Variants in PCDHA7 observed in about 807,000 individuals in gnomAD.
The protein encoded by PCDHA7 is protocadherin alpha-7.
PCDHA7 carries 37 observed loss-of-function variants against 57.2 expected under a neutral mutation model. That is an observed-to-expected ratio of 0.65 (90% CI 0.50 to 0.85). PCDHA7 has a LOEUF of 0.85. Among genes scored for constraint, PCDHA7 ranks in the 40% least tolerant of loss-of-function variants. PCDHA7 has a pLI of 0.00. For synonymous variants in PCDHA7, 553 were observed against 558.8 expected (o/e 0.99, Z 0.15); for missense variants, 1,188 against 1,241.8 (o/e 0.96, Z 0.65).
chr5:140,883,098 T>C lies in PCDHA7; in HGVS notation c.2355+46360T>C, dbSNP rs369154076. 21 of 1,614,014 alleles carry C rather than the reference T, an allele frequency of 1.3e-5. No homozygotes were observed. In the East Asian group the frequency reaches 4.0e-4, roughly 31 times the overall value. On this transcript the variant is annotated intron_variant, in intron 1 of 3. Coordinates refer to ENST00000525929, the MANE Select transcript of PCDHA7 (RefSeq NM_018910.3). ...CCTGATGATGGTACAAATGGAGATA[T>C]AGTTTACTCATTTAGAAGGCCTGTA... is the stretch of plus-strand genomic sequence containing the variant.
intron 1 of PCDHA7, among the ~76,000 whole-genome samples, chr5:140,923,413 G>T (rs2081347795): frequency 6.6e-6 from 1 of 152,062 alleles, no homozygotes; most frequent in Non-Finnish European, 1.5e-5. Context: ...CTATAATCCT[G>T]GCTACTTGGG....
chr5:140,837,977 C>G (rs1377931639), intron 1 of PCDHA7, among the ~76,000 whole-genome samples: 1 of 151,682 alleles, frequency 6.6e-6, no homozygotes, highest in Non-Finnish European at 1.5e-5. Flanking sequence ...CCACACCCAG[C>G]CTGCCTTTCA....
rs1554135637 is a variant in PCDHA7, at chr5:140,836,136, G to A, written c.1753G>A (p.Val585Met). The A allele has an allele frequency of 1.2e-6, 2 of 1,613,670 alleles. No individual in the cohort carries two copies. The highest frequency in any genetic ancestry group is 1.7e-5 in the Admixed American group (1 of 59,996). ...AGTGAGAGAGCTTGTGCCGCGGTCT[G>A]TGGGCGCGGGCCATGTGGTGGCGAA... Reference protein sequence around the residue: ...GAVRELVPRSVGAGHVVAKVR... With the variant: ...GAVRELVPRSMGAGHVVAKVR... The change falls in exon 1 of 4, where the codon GTG becomes ATG. Residue 585 changes from valine (V) to methionine (M), a missense_variant. Transcript: ENST00000525929.
intron 1 of PCDHA7, chr5:140,882,580 C>T (rs371338305): frequency 1.2e-6 from 2 of 1,614,126 alleles, no homozygotes; most frequent in African/African-American, 2.7e-5. Context: ...AGTGCAGCAT[C>T]CACCTGGAGG....
At chr5:140,864,409 G>C (rs1354025134) in intron 1 of PCDHA7, 3 of 152,230 alleles carry the variant, frequency 2.0e-5, no homozygotes, top group Non-Finnish European at 4.4e-5. Context: ...GAGCAGGGTT[G>C]AGGCAGCTTC....
intron 1 of PCDHA7, chr5:140,849,281 T>A: frequency 8.4e-7 from 1 of 1,191,174 alleles, no homozygotes; most frequent in Non-Finnish European, 1.2e-6. Flanking sequence ...CGCTGGTGAT[T>A]CACCCCAATG....
At chr5:140,907,134 C>A (rs1167927748) in intron 1 of PCDHA7, among the ~76,000 whole-genome samples, 1 of 152,112 alleles carries the variant, frequency 6.6e-6, no homozygotes, top group Non-Finnish European at 1.5e-5. Flanking sequence ...CCTGTGAATT[C>A]CGGCTATGGG....
At chr5:140,892,120 A>G (rs1242162429) in intron 1 of PCDHA7, among the ~76,000 whole-genome samples, 1 of 152,216 alleles carries the variant, frequency 6.6e-6, no homozygotes, top group Non-Finnish European at 1.5e-5. Context: ...TATATCTGGA[A>G]CACAATAAGC....
chr5:140,949,457 T>C (rs1369576515), intron 1 of PCDHA7, among the ~76,000 whole-genome samples: 1 of 151,872 alleles, frequency 6.6e-6, no homozygotes, highest in Non-Finnish European at 1.5e-5. Flanking sequence ...TCATGTAATT[T>C]GAAGCCCTGT....
At chr5:140,977,730 T>C (rs1478978176) in intron 1 of PCDHA7, among the ~76,000 whole-genome samples, 1 of 152,226 alleles carries the variant, frequency 6.6e-6, no homozygotes, top group Non-Finnish European at 1.5e-5. Flanking sequence ...ATTTCTCTCC[T>C]GGGTGTTATG....
intron 1 of PCDHA7, chr5:140,858,100 C>A (rs368579908): frequency 1.9e-6 from 3 of 1,597,702 alleles, no homozygotes; most frequent in South Asian, 1.1e-5. Context: ...CTTCAGTGGG[C>A]GTGGCGCCCG....
chr5:140,869,158 C>T (rs782164931), intron 1 of PCDHA7: 1 of 1,613,872 alleles, frequency 6.2e-7, no homozygotes, highest in East Asian at 2.2e-5. Context: ...GCTCTGGCTT[C>T]TCCTCCTCGA....
rs199785183 is a variant in PCDHA7 at position 140,850,432 on chromosome 5, G to T, written c.2355+13694G>T. On this transcript the variant is annotated intron_variant, in intron 1 of 3. Transcript: ENST00000525929. ...GACGAAACGGACGCACCGCGCCAGC[G>T]CCTACTGGTGCTGGTGAAAGACCAC... 1.6e-4 allele frequency: 251 copies of T among 1,597,712 alleles called. 21 individuals carry two copies. The highest frequency in any genetic ancestry group is 3.2e-4 in the Admixed American group (19 of 59,266).
intron 1 of PCDHA7, chr5:140,841,104 A>C (rs1554138000): frequency 1.7e-6 from 1 of 585,830 alleles, no homozygotes; most frequent in African/African-American, 1.9e-5. Flanking sequence ...GATATTGCGG[A>C]AGTAATTCAT....
chr5:140,835,346 G>A lies in PCDHA7; in HGVS notation c.963G>A (p.Glu321=), dbSNP rs1773586509. 6.2e-7 allele frequency: 1 copy of A among 1,613,652 alleles called. No individual in the cohort carries two copies. The highest frequency in any genetic ancestry group is 1.3e-5 in the African/African-American group (1 of 74,850). ...GTAGAGCACACAAGATCCCAGTCGA[G>A]GCTGTCGATAAAGGCTTCCCACCCC... ...EESRAHKIPV[E]AVDKGFPPLA... is the part of the protein sequence containing the mutation. Residue 321 remains glutamate (E), a synonymous_variant, in exon 1 of 4, where the codon GAG becomes GAA. Coordinates refer to ENST00000525929, the MANE Select transcript of PCDHA7 (RefSeq NM_018910.3).
In PCDHA7 at chr5:140,836,074, C is replaced by G; in HGVS notation, c.1691C>G (p.Ala564Gly). ...CTGGACGAGAACGACAACGCGCCGG[C>G]ACTGCTGGCGCCTCGGGTGGGTGGC... is the stretch of plus-strand genomic sequence containing the variant. Reference protein sequence around the residue: ...FVLDENDNAPALLAPRVGGTG... With the variant: ...FVLDENDNAPGLLAPRVGGTG... The change falls in exon 1 of 4, where the codon GCA (alanine) becomes GGA (glycine). Residue 564 changes from alanine to glycine, a missense_variant. Physicochemically the swap from Ala to Gly is moderately conservative, Grantham distance 60. Coordinates refer to ENST00000525929, the MANE Select transcript of PCDHA7 (RefSeq NM_018910.3). 1.2e-6 allele frequency: 2 copies of G among 1,613,694 alleles called. No individual in the cohort carries two copies. The highest frequency in any genetic ancestry group is 1.7e-6 in the Non-Finnish European group (2 of 1,179,776).
intron 1 of PCDHA7, chr5:140,883,523 T>A: frequency 6.2e-7 from 1 of 1,614,226 alleles, no homozygotes; most frequent in Non-Finnish European, 8.5e-7. Flanking sequence ...CGAGAGCGTA[T>A]CAGCCTATGA....
At chr5:140,878,352 A>T (rs2057558583) in intron 1 of PCDHA7, among the ~76,000 whole-genome samples, 1 of 152,242 alleles carries the variant, frequency 6.6e-6, no homozygotes, top group African/African-American at 2.4e-5. Flanking sequence ...CAATAATATA[A>T]ATGATATGTC....
chr5:140,858,904 C>A (rs2045655579), intron 1 of PCDHA7: 1 of 197,854 alleles, frequency 5.1e-6, no homozygotes, highest in East Asian at 1.5e-4. Context: ...TGTAGCGTAC[C>A]ACAGCTTATA....
Sources: gnomAD v4.1 joint callset for allele counts (sites outside exome capture counted in the v4.1 genomes callset) on GRCh38, gnomAD v4.1.1 for gene constraint, MANE v1.5 for transcripts, NCBI Gene and HGNC (gene_info 2026-07-23, HGNC 2026-07-21) for gene names.